The following SLC4A8 variants were observed in gnomAD, a reference collection of about 807,000 sequenced individuals.
SLC4A8 encodes the protein solute carrier family 4 member 8.
Under a neutral mutation model 125.0 loss-of-function variants are expected in SLC4A8, and 40 were observed. That is an observed-to-expected ratio of 0.32 (90% CI 0.25 to 0.42). The LOEUF (loss-of-function observed/expected upper bound fraction) is 0.42, where lower values mean the gene tolerates loss of function less well. SLC4A8 is among the 10% of genes least tolerant of loss of function. SLC4A8 has a pLI of 1.00. For synonymous variants in SLC4A8, 456 were observed against 476.0 expected, an observed-to-expected ratio of 0.96 and a Z score of 0.55; for missense variants, 863 against 1,355.1, an observed-to-expected ratio of 0.64 and a Z score of 5.70.
chr12:51,408,006 T>A (rs1043093946), intron 1 of SLC4A8: 1 of 152,276 alleles, frequency 6.6e-6, no homozygotes, highest in Admixed American at 6.5e-5. Flanking sequence ...CATCCTCATA[T>A]GGTGTTTTCC....
At chr12:51,432,144 C>T (rs1222345595) in intron 1 of SLC4A8, among the ~76,000 whole-genome samples, 2 of 152,150 alleles carry the variant, frequency 1.3e-5, no homozygotes, top group Admixed American at 1.3e-4. Flanking sequence ...CGCGGTGGCT[C>T]ACGCCTGTAA....
chr12:51,449,523 T>C (rs1949896002), intron 2 of SLC4A8, among the ~76,000 whole-genome samples: 2 of 151,660 alleles, frequency 1.3e-5, no homozygotes, highest in African/African-American at 4.8e-5. Context: ...TGGCTAAGGA[T>C]TAGAACAGCT....
At chr12:51,477,818 A>G (rs898227529) in intron 16 of SLC4A8, among the ~76,000 whole-genome samples, 1 of 152,062 alleles carries the variant, frequency 6.6e-6, no homozygotes, top group Non-Finnish European at 1.5e-5. Context: ...TAGCAGTGTT[A>G]TTTTGGATAC....
chr12:51,495,197 C>A, intron 21 of SLC4A8, 79 bp downstream of exon 21: 2 of 1,283,164 alleles, frequency 1.6e-6, no homozygotes, highest in Admixed American at 2.2e-5. Flanking sequence ...TTAAAATTTA[C>A]CATTTTTAAG....
At chr12:51,396,681 T>TAA (rs11324810) in intron 1 of SLC4A8, among the ~76,000 whole-genome samples, 6 of 143,418 alleles carry the variant, frequency 4.2e-5, no homozygotes, top group African/African-American at 1.3e-4. Context: ...CATCTTTATT[T>TAA]AAAAAAAAAA....
intron 1 of SLC4A8, among the ~76,000 whole-genome samples, chr12:51,432,524 AC>A (rs1310299498): frequency 2.6e-5 from 4 of 151,894 alleles, no homozygotes; most frequent in Non-Finnish European, 5.9e-5. Context: ...GGAGATAGAG[AC>A]CATCCTAGCG....
intron 2 of SLC4A8, among the ~76,000 whole-genome samples, chr12:51,445,803 T>C (rs1411166757): frequency 6.6e-6 from 1 of 151,994 alleles, no homozygotes; most frequent in Non-Finnish European, 1.5e-5. Context: ...CCTTATTTGG[T>C]TCATAGTAAT....
chr12:51,502,585 C>T (rs2138444707), intron 22 of SLC4A8, among the ~76,000 whole-genome samples: 1 of 151,454 alleles, frequency 6.6e-6, no homozygotes, highest in African/African-American at 2.4e-5. Flanking sequence ...GGCTGGAGTG[C>T]AGTGGTGTTA....
chr12:51,492,739 G>A (rs1013648846), intron 19 of SLC4A8, among the ~76,000 whole-genome samples: 2 of 152,188 alleles, frequency 1.3e-5, no homozygotes, highest in East Asian at 1.9e-4. Flanking sequence ...TTGTTACCTA[G>A]GTATACATGT....
intron 18 of SLC4A8, 124 bp from the exon 19 acceptor site, chr12:51,489,576 C>A: frequency 8.0e-7 from 1 of 1,250,478 alleles, no homozygotes; most frequent in Non-Finnish European, 1.1e-6. Flanking sequence ...CTCTTGGATC[C>A]CTGAACCCCT....
intron 16 of SLC4A8, among the ~76,000 whole-genome samples, chr12:51,483,932 C>G (rs1049877232): frequency 7.9e-5 from 12 of 152,124 alleles, no homozygotes; most frequent in African/African-American, 2.9e-4. Context: ...TGTTCCCCAT[C>G]CTGTGTCCAA....
intron 1 of SLC4A8, among the ~76,000 whole-genome samples, chr12:51,413,015 A>C (rs6580833): frequency 0.93 from 141,070 of 152,302 alleles, 65,394 homozygotes; most frequent in Non-Finnish European, 0.95. Context: ...AATGTCTGTA[A>C]TAATACACAT....
Position 51,425,018 on chromosome 12 carries a change from G to T in SLC4A8, c.31G>T (p.Gly11Cys). The part of the protein sequence containing the change: MPAAGSNEPD[G>C]VLSYQRPDEE... ...GGCCGCCGGGAGTAACGAGCCGGAC[G>T]GCGTCCTCAGCTATCAGGTAGGGCC... is the stretch of plus-strand genomic sequence containing the variant. The change falls in exon 1 of 25, where the codon GGC becomes TGC. Residue 11 changes from glycine to cysteine, a missense_variant. Physicochemically the swap from Gly to Cys is radical, Grantham distance 159. Transcript: ENST00000453097. The T allele has an allele frequency of 6.4e-7, 1 of 1,556,744 alleles. No individual in the cohort carries two copies. The highest frequency in any genetic ancestry group is 8.7e-7 in the Non-Finnish European group (1 of 1,150,872).
upstream of SLC4A8, among the ~76,000 whole-genome samples, chr12:51,420,825 A>G (rs1248291406): frequency 6.6e-6 from 1 of 152,170 alleles, no homozygotes; most frequent in Non-Finnish European, 1.5e-5. Flanking sequence ...GCACTGTGGA[A>G]TCATTTCATC....
chr12:51,430,652 C>T (rs1033097078), intron 1 of SLC4A8, among the ~76,000 whole-genome samples: 2 of 152,048 alleles, frequency 1.3e-5, no homozygotes, highest in Admixed American at 1.3e-4. Context: ...GGGGACAATT[C>T]GGACTGCAAA....
intron 2 of SLC4A8, among the ~76,000 whole-genome samples, chr12:51,448,006 A>G (rs1330588423): frequency 6.6e-6 from 1 of 152,088 alleles, no homozygotes; most frequent in Non-Finnish European, 1.5e-5. Flanking sequence ...GGCGTGAGCC[A>G]CCACGTCCGG....
In SLC4A8 at chr12:51,513,154, A is replaced by G. The variant is rs1746627433; in HGVS notation, c.*5716A>G. 2 of 152,220 alleles carry G rather than the reference A, an allele frequency of 1.3e-5. No individual in the cohort carries two copies. The allele number at this position is 152,220 out of a possible 1,614,324, so 9.4% of individuals were successfully genotyped here. ...GTGGGTGGATTACTTGCTAGCCATA[A>G]CTTTTAGGGAAGGGTAGGTCTGGAG... On this transcript the variant is annotated 3_prime_UTR_variant, in exon 25 of 25. Coordinates refer to ENST00000453097, the MANE Select transcript of SLC4A8 (RefSeq NM_001039960.3).
chr12:51,485,856 A>G lies in SLC4A8; in HGVS notation c.2242A>G (p.Ile748Val). Residue 748 changes from isoleucine to valine, a missense_variant, in exon 17 of 25, where the codon ATT becomes GTT. This residue lies in a region of SLC4A8 where 197 missense variants were observed against 377.7 expected (regional missense o/e 0.52). Transcript: ENST00000453097. ...IFTMVIIDFLIGVPSPKLQVP... is the reference protein window; with the variant it reads ...IFTMVIIDFLVGVPSPKLQVP... ...CACAATGGTGATTATTGATTTTTTG[A>G]TTGGAGTCCCATCACCAAAGCTTCA... The G allele has an allele frequency of 6.2e-7, 1 of 1,613,406 alleles. No individual in the cohort carries two copies.
intron 2 of SLC4A8, among the ~76,000 whole-genome samples, chr12:51,444,770 A>G (rs987846037): frequency 1.1e-4 from 17 of 152,224 alleles, no homozygotes; most frequent in African/African-American, 3.6e-4. Flanking sequence ...AAGCCTGGGA[A>G]GTCATTTGGT....
Sources: allele counts gnomAD v4.1 joint callset (sites outside exome capture counted in the v4.1 genomes callset), GRCh38; gene constraint gnomAD v4.1.1; regional missense constraint gnomAD v4.1.1; transcripts MANE v1.5; gene names NCBI Gene and HGNC (gene_info 2026-07-23, HGNC 2026-07-21).